CYRIB: variants seen among roughly 807,000 people sequenced by gnomAD.
The protein encoded by CYRIB is CYFIP-related Rac1 interactor B.
A neutral mutation model predicts 44.2 loss-of-function variants in CYRIB; 8 were observed. The ratio of observed to expected loss-of-function variants is 0.18; its 90% CI spans 0.11 to 0.33. CYRIB has a LOEUF of 0.33. Among genes scored for constraint, CYRIB ranks in the 10% least tolerant of loss-of-function variants. The probability of loss-of-function intolerance (pLI) is 1.00; values close to 1 mark genes in which losing one functional copy is unlikely to be tolerated. For synonymous variants in CYRIB, 131 were observed against 127.2 expected (o/e 1.03, Z -0.20); for missense variants, 185 against 382.8 (o/e 0.48, Z 4.31).
At chr8:129,997,088 A>AGGAG (rs1296568514) in intron 1 of CYRIB, among the ~76,000 whole-genome samples, 1 of 83,018 alleles carries the variant, frequency 1.2e-5, no homozygotes, top group Non-Finnish European at 2.1e-5. Context: ...GAGGGAGGGA[A>AGGAG]GGAGGGAGGG....
intron 1 of CYRIB, among the ~76,000 whole-genome samples, chr8:129,930,622 T>C (rs893407870): frequency 6.6e-6 from 1 of 151,856 alleles, no homozygotes; most frequent in Non-Finnish European, 1.5e-5. Flanking sequence ...GCACATACCA[T>C]AATGGAACTT....
intron 1 of CYRIB, among the ~76,000 whole-genome samples, chr8:129,936,042 T>C (rs1590401248): frequency 6.6e-6 from 1 of 152,366 alleles, no homozygotes; most frequent in East Asian, 1.9e-4. Context: ...ATCCTGTATA[T>C]GCTTACAGGA....
chr8:129,999,506 G>C (rs1441470253), intron 1 of CYRIB, among the ~76,000 whole-genome samples: 1 of 152,218 alleles, frequency 6.6e-6, no homozygotes, highest in East Asian at 1.9e-4. Context: ...GAAAACCTTG[G>C]AGCTGCCACA....
intron 1 of CYRIB, among the ~76,000 whole-genome samples, chr8:129,990,461 GGTGT>G (rs373091317): frequency 1.0e-4 from 15 of 149,984 alleles, no homozygotes; most frequent in African/African-American, 2.0e-4. Flanking sequence ...AGAACAATAC[GGTGT>G]GTGTGTGTGT....
chr8:130,015,289 C>A (rs2097315921), intron 1 of CYRIB, among the ~76,000 whole-genome samples: 1 of 152,198 alleles, frequency 6.6e-6, no homozygotes, highest in African/African-American at 2.4e-5. Context: ...TCAACGCACC[C>A]TTTCTAGGTG....
chr8:130,003,439 G>A (rs961710986), intron 1 of CYRIB, among the ~76,000 whole-genome samples: 1 of 152,204 alleles, frequency 6.6e-6, no homozygotes, highest in Non-Finnish European at 1.5e-5. Flanking sequence ...TCACTGGGGT[G>A]ACACCTTTCA....
intron 10 of CYRIB, among the ~76,000 whole-genome samples, chr8:129,848,459 T>C (rs2041503700): frequency 1.3e-5 from 2 of 152,206 alleles, no homozygotes; most frequent in Admixed American, 1.3e-4. Flanking sequence ...TAATACAAAC[T>C]TTTACAGAGA....
At position 129,842,220 on chromosome 8, in the gene CYRIB, GA is replaced by G; in HGVS notation, c.912-16del. ...TTGTTGTGTACCTAAAAAAAGAAAA[GA>G]AAAAAGATCAATTTTAGGAACTTAA... On this transcript the variant is annotated splice_polypyrimidine_tract_variant and intron_variant, in intron 11 of 11. Coordinates refer to ENST00000519824, the Ensembl canonical transcript of CYRIB. 6.3e-7 allele frequency: 1 copy of G among 1,580,478 alleles called. No individual in the cohort carries two copies.
chr8:129,877,041 T>C (rs2059344786), intron 3 of CYRIB, among the ~76,000 whole-genome samples: 1 of 152,218 alleles, frequency 6.6e-6, no homozygotes, highest in African/African-American at 2.4e-5. Flanking sequence ...AGGTAAGCTT[T>C]TACAAACGCA....
chr8:129,880,395 A>G, intron 2 of CYRIB: 1 of 985,872 alleles, frequency 1.0e-6, no homozygotes, highest in Non-Finnish European at 1.2e-6. Flanking sequence ...CCAAGAAAAA[A>G]TGTGCTGCAT....
At chr8:129,888,704 G>C (rs1001290532) in intron 2 of CYRIB, among the ~76,000 whole-genome samples, 1 of 152,078 alleles carries the variant, frequency 6.6e-6, no homozygotes. Context: ...AGTAGGCAGG[G>C]GTTTTGTTTT....
chr8:130,004,589 A>C (rs1288940699), intron 1 of CYRIB: 1 of 152,056 alleles, frequency 6.6e-6, no homozygotes, highest in Non-Finnish European at 1.5e-5. Context: ...ATTCTAAAAG[A>C]GCTATAGTAC....
chr8:129,958,726 C>T (rs1338807607), intron 2 of CYRIB, among the ~76,000 whole-genome samples: 1 of 150,508 alleles, frequency 6.6e-6, no homozygotes, highest in Non-Finnish European at 1.5e-5. Context: ...TTTACCTGAA[C>T]CTGGAAGCAG....
At chr8:130,015,980 C>G (rs2097333289) in intron 1 of CYRIB, among the ~76,000 whole-genome samples, 1 of 151,990 alleles carries the variant, frequency 6.6e-6, no homozygotes, top group African/African-American at 2.4e-5. Flanking sequence ...GCACCGACAC[C>G]CGGCTCGCAG....
At chr8:130,013,683 C>T (rs185926472) in intron 1 of CYRIB, among the ~76,000 whole-genome samples, 4 of 152,232 alleles carry the variant, frequency 2.6e-5, no homozygotes, top group African/African-American at 9.6e-5. Context: ...TCCTGGCACC[C>T]GCGTCCCTCG....
chr8:129,877,142 A>G (rs1270836858), intron 3 of CYRIB, among the ~76,000 whole-genome samples: 7 of 152,244 alleles, frequency 4.6e-5, no homozygotes, highest in African/African-American at 1.4e-4. Flanking sequence ...AATCTAAATA[A>G]GAAATAACAA....
At chr8:129,842,088 C>CA (rs1166825210) in exon 12 of CYRIB, 1 of 1,293,002 alleles carries the variant, frequency 7.7e-7, no homozygotes, top group Non-Finnish European at 1.1e-6. Context: ...ACTGCATTCT[C>CA]AGTCATTGCA....
rs1564002928 is a variant in CYRIB, at chr8:129,924,300, G to GC, written c.-50+15307_-50+15308insG. On this transcript the variant is annotated intron_variant, in intron 1 of 11. Coordinates refer to ENST00000519824, the Ensembl canonical transcript of CYRIB. Reference sequence around the variant, plus strand: ...AAAAAAAAAAAAAAACCGGGGGGGGGGGGGGTGGCGGGGGGGGTGTTACTT... The same window carrying GC: ...AAAAAAAAAAAAAAACCGGGGGGGGGCGGGGGTGGCGGGGGGGGTGTTACTT... Among the ~76,000 whole-genome samples the GC allele has an allele frequency of 4.7e-4, 46 of 97,108 alleles. 11 individuals carry two copies. The East Asian group carries it at 0.014, about 29-fold the overall frequency. The allele number at this position is 97,108 out of a possible 152,430, so 63.7% of individuals were successfully genotyped here. A position where few individuals can be genotyped will look rare whatever the true frequency, so the allele number is the denominator to read the frequency against.
intron 5 of CYRIB, among the ~76,000 whole-genome samples, chr8:129,856,300 C>T (rs769561603): frequency 2.5e-4 from 38 of 152,144 alleles, no homozygotes; most frequent in Non-Finnish European, 4.7e-4. Flanking sequence ...CTTGACATTT[C>T]AAGACTACAA....
Sources: gnomAD v4.1 joint callset for allele counts (sites outside exome capture counted in the v4.1 genomes callset) on GRCh38, gnomAD v4.1.1 for gene constraint, MANE v1.5 for transcripts, NCBI Gene and HGNC (gene_info 2026-07-23, HGNC 2026-07-21) for gene names.